The following PTPRH variants were observed in gnomAD, a reference collection of about 807,000 sequenced individuals.
The protein encoded by PTPRH is protein tyrosine phosphatase receptor type H.
PTPRH carries 113 observed loss-of-function variants against 130.2 expected under a neutral mutation model. That is an observed-to-expected ratio of 0.87 (90% CI 0.75 to 1.01). PTPRH has a LOEUF of 1.01. PTPRH is among the 50% of genes least tolerant of loss of function. PTPRH has a pLI of 0.00. For missense variants in PTPRH, 1,430 were observed against 1,425.0 expected (o/e 1.00, Z -0.06); for synonymous variants, 556 against 577.9 (o/e 0.96, Z 0.54).
intron 12 of PTPRH, 55 bp from the exon 13 acceptor site, chr19:55,188,223 C>G (rs1023775462): frequency 6.4e-6 from 9 of 1,409,844 alleles, no homozygotes; most frequent in Non-Finnish European, 7.0e-6. Flanking sequence ...TAATCTTGCA[C>G]TTTTGAGGGC....
chr19:55,187,473 A>G (rs760553669), intron 14 of PTPRH, 40 bp downstream of exon 14: 17 of 1,553,570 alleles, frequency 1.1e-5, no homozygotes, highest in Non-Finnish European at 1.5e-5. Flanking sequence ...TGCCGACTAG[A>G]TCAGGGCTGG....
chr19:55,187,735 C>T (rs2086404066), intron 13 of PTPRH, 132 bp from the exon 14 acceptor site: 6 of 684,124 alleles, frequency 8.8e-6, no homozygotes, highest in East Asian at 2.7e-5. Context: ...TTATATGGCA[C>T]CCACAAAAAC....
intron 3 of PTPRH, among the ~76,000 whole-genome samples, 173 bp from the exon 4 acceptor site, chr19:55,205,765 T>C (rs2087030808): frequency 6.6e-6 from 1 of 152,176 alleles, no homozygotes; most frequent in Admixed American, 6.5e-5. Context: ...GTGGCTTTTG[T>C]GAAATGAGAT....
intron 6 of PTPRH, among the ~76,000 whole-genome samples, chr19:55,200,905 T>C (rs1045701966): frequency 1.7e-4 from 26 of 151,036 alleles, no homozygotes; most frequent in African/African-American, 5.6e-4. Context: ...ATCGCGCCAC[T>C]GCACTCCAGC....
intron 18 of PTPRH, among the ~76,000 whole-genome samples, chr19:55,185,100 T>C (rs2086280803): frequency 6.6e-6 from 1 of 152,018 alleles, no homozygotes; most frequent in African/African-American, 2.4e-5. Context: ...GTTCAAGTGA[T>C]TCTCCTGCCT....
Position 55,197,120 on chromosome 19 carries a change from T to C in PTPRH, c.1987A>G (p.Thr663Ala), listed in dbSNP as rs1568910877. ...AAGGCAGGAAGGGGATTCTCACATG[T>C]GGACGCACAGAGGCTCTGCGTGGAA... ...ASSTQSLCASTYPDTVTITSC... is the reference protein window; with the variant it reads ...ASSTQSLCASAYPDTVTITSC... Residue 663 changes from threonine (T) to alanine (A), a missense_variant, in exon 9 of 20, where the codon ACA becomes GCA. Physicochemically the swap from Thr to Ala is moderately conservative, Grantham distance 58. Coordinates refer to ENST00000376350, the MANE Select transcript of PTPRH (RefSeq NM_002842.5). 6.2e-7 allele frequency: 1 copy of C among 1,613,690 alleles called. No homozygotes were observed. The highest frequency in any genetic ancestry group is 2.2e-5 in the East Asian group (1 of 44,858).
At position 55,206,823 on chromosome 19, in the gene PTPRH, G is replaced by C. The variant is rs2087077079; in HGVS notation, c.218C>G (p.Thr73Arg). 2 of 1,614,138 alleles carry C rather than the reference G, an allele frequency of 1.2e-6. No individual in the cohort carries two copies. The highest frequency in any genetic ancestry group is 1.7e-6 in the Non-Finnish European group (2 of 1,180,030). The change falls in exon 3 of 20, where the codon ACA becomes AGA. Residue 73 changes from threonine (T) to arginine (R), a missense_variant. By Grantham distance (71) the Thr-to-Arg change is moderately conservative. Transcript: ENST00000376350. ...YWVQCTGDGGTTETRNTTATN... is the reference protein window; with the variant it reads ...YWVQCTGDGGRTETRNTTATN... ...GGCTGTTGTGTTTCGAGTCTCTGTT[G>C]TGCCGCCGTCTCCAGTACACTGAAC...
chr19:55,200,454 G>T lies in PTPRH; in HGVS notation c.1202C>A (p.Ser401Tyr). 1 of 1,614,148 alleles carries T rather than the reference G, an allele frequency of 6.2e-7. No individual in the cohort carries two copies. The highest frequency in any genetic ancestry group is 8.5e-7 in the Non-Finnish European group (1 of 1,180,028). ...NLHMETQTNS[S>Y]IALCWEVPDG... ...GGGGACTTCCCAGCATAGGGCGATG[G>T]AGCTGTTGGTCTGAGTCTCCATATG... Residue 401 changes from serine to tyrosine, a missense_variant, in exon 7 of 20, where the codon TCC becomes TAC. Physicochemically the swap from Ser to Tyr is moderately radical, Grantham distance 144. Transcript: ENST00000376350.
At chr19:55,194,140 G>A (rs1347403734) in intron 10 of PTPRH, 20 of 1,287,070 alleles carry the variant, frequency 1.6e-5, no homozygotes, top group South Asian at 6.2e-5. Flanking sequence ...GTGAGCCACC[G>A]CGCCTGGCTG....
At position 55,191,646 on chromosome 19, in the gene PTPRH, C is replaced by T. The variant is rs2086539728; in HGVS notation, c.2336+17G>A. ...AGCCCCCACCCTCCAGGCGGTCAGC[C>T]CTGTGCTGAGTCTCACCTCCTCTTC... On this transcript the variant is annotated intron_variant, in intron 11 of 19. Coordinates refer to ENST00000376350, the MANE Select transcript of PTPRH (RefSeq NM_002842.5). The T allele has an allele frequency of 3.1e-6, 5 of 1,613,550 alleles. No homozygotes were observed. Among genetic ancestry groups the T allele is most frequent in the Non-Finnish European group, 4.2e-6 (5 of 1,179,490 alleles).
At chr19:55,201,911 T>C (rs1293160189) in intron 6 of PTPRH, 145 bp downstream of exon 6, 30 of 1,301,174 alleles carry the variant, frequency 2.3e-5, no homozygotes, top group Non-Finnish European at 3.1e-5. Context: ...CTTCATCTCC[T>C]GAGCTGAGAC....
In PTPRH at chr19:55,200,643, G is replaced by A. The variant is rs371151168; in HGVS notation, c.1154-141C>T. On this transcript the variant is annotated intron_variant, in intron 6 of 19. Transcript: ENST00000376350. ...AGATGCAGGGTGTATGTTCTAGACC[G>A]TGTTTCTCAGACTAATGTGCCGGGC... 2.2e-4 allele frequency: 214 copies of A among 977,290 alleles called. 1 individual carries two copies. In the African/African-American group the frequency reaches 3.1e-3, roughly 14 times the overall value. The allele number at this position is 977,290 out of a possible 1,614,324, so 60.5% of individuals were successfully genotyped here. A position where few individuals can be genotyped will look rare whatever the true frequency, so the allele number is the denominator to read the frequency against.
intron 10 of PTPRH, chr19:55,192,051 C>T: frequency 2.0e-6 from 1 of 500,628 alleles, no homozygotes; most frequent in South Asian, 1.6e-5. Context: ...TACATTTTCT[C>T]TTCCTTAGGA....
chr19:55,182,203 G>A lies in PTPRH; in HGVS notation c.3063-52C>T, dbSNP rs976018877. On this transcript the variant is annotated intron_variant, in intron 18 of 19. Transcript: ENST00000376350. The stretch of plus-strand genomic sequence containing the variant: ...CCAAGGGGCAGGAGTGTGAGGGTCC[G>A]GGGTCATGGCTGATTGGAGGGATCT... The A allele has an allele frequency of 1.0e-5, 16 of 1,583,856 alleles. No individual in the cohort carries two copies. The Admixed American group carries it at 1.2e-4, about 12-fold the overall frequency.
At position 55,209,401 on chromosome 19, in the gene PTPRH, C is replaced by A; in HGVS notation, c.33G>T (p.Trp11Cys). 1 of 1,562,088 alleles carries A rather than the reference C, an allele frequency of 6.4e-7. No homozygotes were observed. Among genetic ancestry groups the A allele is most frequent in the Non-Finnish European group, 8.7e-7 (1 of 1,152,752 alleles). ...CACTTACCAGCAGCACCAGGTTCCC[C>A]CAGACCCCGAGGCCCCCGCCAGCCC... MAGAGGGLGV[W>C]GNLVLLGLCS... The change falls in exon 1 of 20, where the codon TGG becomes TGT. Residue 11 changes from tryptophan to cysteine, a missense_variant. By Grantham distance (215) the Trp-to-Cys change is radical. Coordinates refer to ENST00000376350, the MANE Select transcript of PTPRH (RefSeq NM_002842.5). The surrounding 1 kb of genome is among the most constrained non-coding windows in gnomAD (Gnocchi z 4.1).
intron 18 of PTPRH, among the ~76,000 whole-genome samples, chr19:55,183,859 T>C (rs73935323): frequency 0.017 from 2,623 of 152,280 alleles, 82 homozygotes; most frequent in African/African-American, 0.059. Context: ...CGTCTCTCCC[T>C]ATTGCCTGTC....
At chr19:55,191,767 C>A in intron 10 of PTPRH, 26 bp from the exon 11 acceptor site, 1 of 1,591,328 alleles carries the variant, frequency 6.3e-7, no homozygotes, top group Non-Finnish European at 8.6e-7. Context: ...ATCGGGAACC[C>A]TCAGAGCGCA....
At chr19:55,201,947 C>T in intron 6 of PTPRH, 109 bp downstream of exon 6, 1 of 1,515,198 alleles carries the variant, frequency 6.6e-7, no homozygotes, top group Non-Finnish European at 8.9e-7. Context: ...ACATGAGTAC[C>T]TGGCTCAATA....
At position 55,206,799 on chromosome 19, in the gene PTPRH, G is replaced by T. The variant is rs200866350; in HGVS notation, c.242C>A (p.Ala81Asp). The T allele has an allele frequency of 2.0e-5, 32 of 1,614,054 alleles. No homozygotes were observed. Among genetic ancestry groups the T allele is most frequent in the Admixed American group, 6.7e-5 (4 of 59,998 alleles). Residue 81 changes from alanine (A) to aspartate (D), a missense_variant, in exon 3 of 20, where the codon GCC (alanine) becomes GAC (aspartate). Coordinates refer to ENST00000376350, the MANE Select transcript of PTPRH (RefSeq NM_002842.5). ...AAGGCCATCCACGGTGACGTTGGTG[G>T]CTGTTGTGTTTCGAGTCTCTGTTGT... ...GGTTETRNTT[A>D]TNVTVDGLGP... is the part of the protein sequence containing the mutation.
Sources: gnomAD v4.1 joint callset for allele counts (sites outside exome capture counted in the v4.1 genomes callset) on GRCh38, gnomAD v4.1.1 for gene constraint, Gnocchi (gnomAD v3.1) non-coding constraint, MANE v1.5 for transcripts, NCBI Gene and HGNC (gene_info 2026-07-23, HGNC 2026-07-21) for gene names.